Variants in PPARGC1A observed in about 807,000 individuals in gnomAD.
PPARGC1A encodes peroxisome proliferator-activated receptor gamma coactivator 1-alpha.
A neutral mutation model predicts 88.7 loss-of-function variants in PPARGC1A; 25 were observed. The ratio of observed to expected loss-of-function variants is 0.28; its 90% CI spans 0.21 to 0.39. PPARGC1A has a LOEUF of 0.39. Among genes scored for constraint, PPARGC1A ranks in the 10% least tolerant of loss-of-function variants. PPARGC1A has a pLI of 1.00. For synonymous variants in PPARGC1A, 363 were observed against 355.6 expected (o/e 1.02, Z -0.24); for missense variants, 880 against 968.7 (o/e 0.91, Z 1.22).
chr4:24,148,805 C>A, the PPARGC1A span, among the ~76,000 whole-genome samples: 1 of 152,168 alleles, frequency 6.6e-6, no homozygotes, highest in Non-Finnish European at 1.5e-5. Flanking sequence ...TAGACATGGA[C>A]ATGATACATG....
At chr4:24,376,314 G>A in the PPARGC1A span, among the ~76,000 whole-genome samples, 1 of 152,096 alleles carries the variant, frequency 6.6e-6, no homozygotes, top group Non-Finnish European at 1.5e-5. Flanking sequence ...ATGATACTTC[G>A]GCAATTCAGC....
At chr4:24,299,898 A>T in the PPARGC1A span, among the ~76,000 whole-genome samples, 3 of 152,236 alleles carry the variant, frequency 2.0e-5, no homozygotes, top group African/African-American at 7.2e-5. Flanking sequence ...TTGTATATTA[A>T]TCAACTTCAT....
chr4:24,151,865 T>C, the PPARGC1A span, among the ~76,000 whole-genome samples: 113 of 152,262 alleles, frequency 7.4e-4, no homozygotes, highest in African/African-American at 2.5e-3. Context: ...ACCTCATACT[T>C]AGGCAGAAAC....
the PPARGC1A span, among the ~76,000 whole-genome samples, chr4:24,218,850 A>G: frequency 6.6e-6 from 1 of 152,188 alleles, no homozygotes; most frequent in South Asian, 2.1e-4. Flanking sequence ...CTTTTTCCTG[A>G]ATAGAGTAAT....
chr4:24,245,966 C>T, the PPARGC1A span, among the ~76,000 whole-genome samples: 1 of 148,148 alleles, frequency 6.8e-6, no homozygotes, highest in Admixed American at 6.8e-5. Flanking sequence ...CACACTTATG[C>T]TTGGTCCTAG....
At chr4:24,266,633 C>T in the PPARGC1A span, among the ~76,000 whole-genome samples, 6 of 152,036 alleles carry the variant, frequency 3.9e-5, no homozygotes, top group South Asian at 2.1e-4. Context: ...AGGTAGAGTG[C>T]GGCTTAAGGG....
At chr4:23,951,950 G>C in the PPARGC1A span, among the ~76,000 whole-genome samples, 2 of 152,084 alleles carry the variant, frequency 1.3e-5, no homozygotes, top group African/African-American at 4.8e-5. Flanking sequence ...TCTGTAGATT[G>C]AATGATTCTG....
the PPARGC1A span, among the ~76,000 whole-genome samples, chr4:24,327,222 T>C: frequency 1.3e-5 from 2 of 152,188 alleles, no homozygotes; most frequent in Admixed American, 1.3e-4. Flanking sequence ...GGCCCCAGTC[T>C]CATTCCAGAC....
At chr4:23,903,186 G>GA (rs1427530096), upstream of PPARGC1A, among the ~76,000 whole-genome samples, 13 of 152,028 alleles carry the variant, frequency 8.6e-5, no homozygotes, top group Admixed American at 8.5e-4. Flanking sequence ...TAGGACTTGA[G>GA]AAAAAAGAAT....
the PPARGC1A span, among the ~76,000 whole-genome samples, chr4:24,416,475 TG>T: frequency 6.6e-6 from 1 of 151,884 alleles, no homozygotes; most frequent in African/African-American, 2.4e-5. Flanking sequence ...GCATAGGCAG[TG>T]GGAATGGGAG....
the PPARGC1A span, among the ~76,000 whole-genome samples, chr4:24,296,618 G>A: frequency 1.3e-5 from 2 of 151,944 alleles, no homozygotes; most frequent in African/African-American, 2.4e-5. Context: ...TTACAACTTC[G>A]GTATCCCTGC....
chr4:23,888,767 A>G (rs544967289), intron 1 of PPARGC1A, among the ~76,000 whole-genome samples: 2 of 152,178 alleles, frequency 1.3e-5, no homozygotes, highest in South Asian at 4.1e-4. Context: ...TTCACTTTAG[A>G]TGTGTATCGC....
At chr4:23,815,669 C>A (rs763682312) in intron 7 of PPARGC1A, among the ~76,000 whole-genome samples, 1 of 152,120 alleles carries the variant, frequency 6.6e-6, no homozygotes, top group Non-Finnish European at 1.5e-5. Flanking sequence ...CCGTTTGTGC[C>A]GAGGAAGAAC....
chr4:24,024,044 G>A, the PPARGC1A span, among the ~76,000 whole-genome samples: 3 of 152,164 alleles, frequency 2.0e-5, no homozygotes, highest in East Asian at 3.9e-4. Context: ...CCTTCTGGGT[G>A]TAGTCAACAG....
At chr4:24,068,406 T>C in the PPARGC1A span, among the ~76,000 whole-genome samples, 1 of 152,298 alleles carries the variant, frequency 6.6e-6, no homozygotes, top group South Asian at 2.1e-4. Context: ...AATCATTCAC[T>C]GAGCACCTAC....
At chr4:23,933,211 G>A in the PPARGC1A span, among the ~76,000 whole-genome samples, 1 of 152,116 alleles carries the variant, frequency 6.6e-6, no homozygotes, top group Admixed American at 6.5e-5. Flanking sequence ...AAAGAATGAA[G>A]TCTACCTCTT....
the PPARGC1A span, among the ~76,000 whole-genome samples, chr4:24,438,356 G>A: frequency 3.4e-3 from 519 of 152,270 alleles, no homozygotes; most frequent in African/African-American, 0.011. Flanking sequence ...CACCAGAGGC[G>A]AGGGTATGAT....
the PPARGC1A span, among the ~76,000 whole-genome samples, chr4:23,956,307 T>A: frequency 6.6e-6 from 1 of 151,962 alleles, no homozygotes; most frequent in African/African-American, 2.4e-5. Context: ...TGAGGTGGGG[T>A]TTGGAAGTTC....
At chr4:24,401,154 G>A in the PPARGC1A span, among the ~76,000 whole-genome samples, 1 of 151,378 alleles carries the variant, frequency 6.6e-6, no homozygotes. Flanking sequence ...GAGTAGCTGG[G>A]GCTACAGGCG....
Sources: gnomAD v4.1 joint callset for allele counts (sites outside exome capture counted in the v4.1 genomes callset) on GRCh38, gnomAD v4.1.1 for gene constraint, MANE v1.5 for transcripts, NCBI Gene and HGNC (gene_info 2026-07-23, HGNC 2026-07-21) for gene names.